TNFSF4: variants seen among roughly 807,000 people sequenced by gnomAD.
TNFSF4 encodes the protein TNF superfamily member 4, also known as tumor necrosis factor ligand superfamily member 4.
TNFSF4 carries 4 observed loss-of-function variants against 7.3 expected under a neutral mutation model. The observed-to-expected ratio is 0.55, with a 90% CI of 0.27 to 1.25. The LOEUF (loss-of-function observed/expected upper bound fraction) is 1.25, where lower values mean the gene tolerates loss of function less well. TNFSF4 is among the 50% of genes most tolerant of loss of function. TNFSF4 has a pLI of 0.12. For synonymous variants in TNFSF4, 76 were observed against 83.7 expected (o/e 0.91, Z 0.50); for missense variants, 181 against 208.8 (o/e 0.87, Z 0.82).
At chr1:173,277,290 G>A in the TNFSF4 span, among the ~76,000 whole-genome samples, 1 of 152,118 alleles carries the variant, frequency 6.6e-6, no homozygotes, top group Non-Finnish European at 1.5e-5. Flanking sequence ...AGCTTCTGAT[G>A]ACTTGGCCAG....
At chr1:173,330,733 AAGG>A in the TNFSF4 span, among the ~76,000 whole-genome samples, 2 of 152,194 alleles carry the variant, frequency 1.3e-5, no homozygotes, top group Admixed American at 6.5e-5. Flanking sequence ...GTGCATTGCA[AAGG>A]AGAAGAAATA....
the TNFSF4 span, among the ~76,000 whole-genome samples, chr1:173,395,040 TA>T: frequency 0.013 from 1,188 of 89,328 alleles, 3 homozygotes; most frequent in African/African-American, 0.015. Context: ...AGATAGATGA[TA>T]GATAGATAGA....
chr1:173,186,343 A>G lies in TNFSF4; in HGVS notation c.*173T>C. The G allele has an allele frequency of 1.8e-6, 1 of 565,274 alleles. No individual in the cohort carries two copies. The allele number at this position is 565,274 out of a possible 1,614,324, so 35.0% of individuals were successfully genotyped here. A position where few individuals can be genotyped will look rare whatever the true frequency, so the allele number is the denominator to read the frequency against. On this transcript the variant is annotated 3_prime_UTR_variant, in exon 3 of 3. Transcript: ENST00000281834. ...AATAAGATTAACTGGTATATAAAAT[A>G]AGTTTTAAATATCCCTGAGGGGTGG...
chr1:173,387,673 A>T, the TNFSF4 span, among the ~76,000 whole-genome samples: 1 of 152,298 alleles, frequency 6.6e-6, no homozygotes, highest in African/African-American at 2.4e-5. Flanking sequence ...CAGAGTCCTA[A>T]CTAGCCTGAA....
chr1:173,374,840 CAA>C, the TNFSF4 span, among the ~76,000 whole-genome samples: 1 of 152,170 alleles, frequency 6.6e-6, no homozygotes. Context: ...CAGGGCAATA[CAA>C]TACCCCTACT....
chr1:173,395,501 A>G, the TNFSF4 span, among the ~76,000 whole-genome samples: 1 of 148,574 alleles, frequency 6.7e-6, no homozygotes, highest in African/African-American at 2.5e-5. Context: ...GCTGACCAAA[A>G]TGGTGTAAGA....
the TNFSF4 span, among the ~76,000 whole-genome samples, chr1:173,422,743 G>A: frequency 1.3e-5 from 2 of 152,152 alleles, no homozygotes; most frequent in Non-Finnish European, 2.9e-5. Context: ...CTTCTCTTTG[G>A]AAAACCAGTC....
upstream of TNFSF4, among the ~76,000 whole-genome samples, chr1:173,208,132 T>C (rs1182537118): frequency 6.6e-6 from 1 of 152,174 alleles, no homozygotes; most frequent in East Asian, 1.9e-4. Flanking sequence ...GTAAGAGTAT[T>C]CTATCAATAG....
the TNFSF4 span, among the ~76,000 whole-genome samples, chr1:173,238,619 G>C: frequency 2.0e-5 from 3 of 152,114 alleles, no homozygotes; most frequent in East Asian, 5.8e-4. Flanking sequence ...CTTTTCAAAA[G>C]AAGACATACA....
the TNFSF4 span, among the ~76,000 whole-genome samples, chr1:173,310,324 CAT>C: frequency 1.3e-5 from 2 of 151,934 alleles, no homozygotes; most frequent in Non-Finnish European, 2.9e-5. Context: ...CAGGGTACCA[CAT>C]GTTTTGATAT....
At chr1:173,397,874 T>C in the TNFSF4 span, among the ~76,000 whole-genome samples, 1 of 152,200 alleles carries the variant, frequency 6.6e-6, no homozygotes, top group African/African-American at 2.4e-5. Flanking sequence ...CGAATCCCCA[T>C]TCAACTCACC....
At chr1:173,244,578 C>G in the TNFSF4 span, among the ~76,000 whole-genome samples, 2 of 143,232 alleles carry the variant, frequency 1.4e-5, no homozygotes, top group African/African-American at 5.4e-5. Flanking sequence ...GGAGGTGGAG[C>G]TTGCAGTGAG....
the TNFSF4 span, among the ~76,000 whole-genome samples, chr1:173,375,523 G>A: frequency 6.6e-6 from 1 of 152,070 alleles, no homozygotes; most frequent in African/African-American, 2.4e-5. Flanking sequence ...GCACTCTGTA[G>A]CTAGCATTGT....
At chr1:173,404,111 G>A in the TNFSF4 span, among the ~76,000 whole-genome samples, 56 of 152,290 alleles carry the variant, frequency 3.7e-4, no homozygotes, top group East Asian at 9.1e-3. Flanking sequence ...GCAAGAGACC[G>A]TGACCCCATG....
the TNFSF4 span, among the ~76,000 whole-genome samples, chr1:173,433,246 A>G: frequency 1.2e-4 from 18 of 152,214 alleles, no homozygotes; most frequent in Non-Finnish European, 2.5e-4. Context: ...AGTAGTCACA[A>G]TAAGGAGTGT....
the TNFSF4 span, among the ~76,000 whole-genome samples, chr1:173,308,285 C>G: frequency 3.5e-3 from 479 of 135,112 alleles, 3 homozygotes; most frequent in African/African-American, 9.7e-3. Flanking sequence ...CTCTCTCTCT[C>G]TGTGTGTGTG....
At chr1:173,182,147 A>G (rs947693651), downstream of TNFSF4, among the ~76,000 whole-genome samples, 2 of 152,220 alleles carry the variant, frequency 1.3e-5, no homozygotes, top group African/African-American at 4.8e-5. Flanking sequence ...CCTTTTGCAA[A>G]AAGTATTATA....
upstream of TNFSF4, among the ~76,000 whole-genome samples, chr1:173,209,127 C>A (rs955341224): frequency 5.3e-5 from 8 of 152,114 alleles, no homozygotes; most frequent in Non-Finnish European, 1.2e-4. Flanking sequence ...ATTGTCTTGT[C>A]GTCCTACTAC....
the TNFSF4 span, among the ~76,000 whole-genome samples, chr1:173,242,112 T>A: frequency 2.6e-5 from 4 of 152,198 alleles, no homozygotes; most frequent in Admixed American, 2.6e-4. Context: ...TTGAAATATA[T>A]GGAAGAAAAA....
Sources: allele counts gnomAD v4.1 joint callset (sites outside exome capture counted in the v4.1 genomes callset), GRCh38; gene constraint gnomAD v4.1.1; transcripts MANE v1.5; gene names NCBI Gene and HGNC (gene_info 2026-07-23, HGNC 2026-07-21).